The following LARGE1 variants were observed in gnomAD, a reference collection of about 807,000 sequenced individuals.
LARGE1 encodes the protein xylosyl- and glucuronyltransferase LARGE1.
In LARGE1, 43 loss-of-function variants were observed where a neutral mutation model predicts 87.6. The observed-to-expected ratio is 0.49, with a 90% CI of 0.38 to 0.63. The LOEUF (loss-of-function observed/expected upper bound fraction) is 0.63. LARGE1 is among the 30% of genes least tolerant of loss of function. LARGE1 has a pLI of 0.00. For missense variants in LARGE1, 802 were observed against 1,000.2 expected, an observed-to-expected ratio of 0.80 and a Z score of 2.67; for synonymous variants, 434 against 394.6, an observed-to-expected ratio of 1.10 and a Z score of -1.18.
intron 12 of LARGE1, among the ~76,000 whole-genome samples, chr22:33,286,265 TC>T (rs1192904967): frequency 6.6e-6 from 1 of 152,216 alleles, no homozygotes; most frequent in Non-Finnish European, 1.5e-5. Context: ...GCTAGCACTC[TC>T]TTTTGTATCA....
At chr22:33,878,576 C>CA (rs1222303196) in intron 1 of LARGE1, among the ~76,000 whole-genome samples, 1 of 152,218 alleles carries the variant, frequency 6.6e-6, no homozygotes, top group Non-Finnish European at 1.5e-5. Context: ...ACATTAACTT[C>CA]ATGGATGTAG....
At chr22:33,493,154 CTTTTTT>C (rs750203810) in intron 6 of LARGE1, among the ~76,000 whole-genome samples, 54 of 109,178 alleles carry the variant, frequency 4.9e-4, no homozygotes, top group Non-Finnish European at 2.3e-4. Flanking sequence ...GCATGGTGGC[CTTTTTT>C]TTTTTTTTTT....
intron 1 of LARGE1, among the ~76,000 whole-genome samples, chr22:33,874,489 A>G (rs59198201): frequency 0.056 from 8,548 of 152,274 alleles, 816 homozygotes; most frequent in African/African-American, 0.2. Flanking sequence ...TTGCTCAACG[A>G]ACTGCAGCTA....
chr22:33,813,415 T>TA (rs924706824), intron 1 of LARGE1, among the ~76,000 whole-genome samples: 24 of 152,024 alleles, frequency 1.6e-4, no homozygotes, highest in African/African-American at 5.3e-4. Flanking sequence ...AAACAAAACA[T>TA]AGTTCCAGCA....
intron 2 of LARGE1, among the ~76,000 whole-genome samples, chr22:33,699,834 G>C (rs1374286618): frequency 6.6e-6 from 1 of 152,122 alleles, no homozygotes; most frequent in Non-Finnish European, 1.5e-5. Context: ...CAGCATCTAA[G>C]GTTAGGTGAA....
At chr22:33,854,119 T>C (rs2063688587) in intron 1 of LARGE1, among the ~76,000 whole-genome samples, 2 of 143,334 alleles carry the variant, frequency 1.4e-5, no homozygotes, top group South Asian at 2.2e-4. Context: ...TCCATTTGCA[T>C]CAAAAACGTG....
intron 7 of LARGE1, among the ~76,000 whole-genome samples, chr22:33,395,389 G>A (rs763200789): frequency 4.6e-5 from 7 of 152,128 alleles, no homozygotes; most frequent in Non-Finnish European, 8.8e-5. Context: ...CTGTGTCAGC[G>A]CTAACTTATG....
intron 9 of LARGE1, among the ~76,000 whole-genome samples, chr22:33,343,549 G>A (rs130252): frequency 4.6e-5 from 7 of 152,036 alleles, no homozygotes; most frequent in African/African-American, 1.7e-4. Context: ...TAGCTCTCAC[G>A]TTTCCTCAGT....
intron 7 of LARGE1, among the ~76,000 whole-genome samples, chr22:33,398,693 G>A (rs1265553577): frequency 6.6e-6 from 1 of 152,184 alleles, no homozygotes; most frequent in Non-Finnish European, 1.5e-5. Context: ...TGTCTTTGCA[G>A]TTGTAATCAA....
chr22:33,816,733 C>T (rs2157089), intron 1 of LARGE1, among the ~76,000 whole-genome samples: 63,749 of 149,786 alleles, frequency 0.43, 13,972 homozygotes, highest in Middle Eastern at 0.54. Context: ...GACAGACAGA[C>T]AGATACAGAA....
intron 13 of LARGE1, among the ~76,000 whole-genome samples, chr22:33,279,181 CAG>C (rs1444283111): frequency 6.6e-6 from 1 of 152,104 alleles, no homozygotes; most frequent in Non-Finnish European, 1.5e-5. Flanking sequence ...CTAGAAGCTA[CAG>C]AGAGACGGCA....
intron 2 of LARGE1, chr22:33,732,522 T>A (rs1378971096): frequency 6.6e-6 from 1 of 152,486 alleles, no homozygotes. Flanking sequence ...ATTTGGGAAG[T>A]TGACAGAGAA....
intron 1 of LARGE1, among the ~76,000 whole-genome samples, chr22:33,863,154 T>G (rs1285160117): frequency 6.6e-6 from 1 of 152,066 alleles, no homozygotes; most frequent in Non-Finnish European, 1.5e-5. Context: ...AGGGTTCAAG[T>G]CTCAGCTTTG....
intron 10 of LARGE1, among the ~76,000 whole-genome samples, chr22:33,330,817 G>A (rs1168264656): frequency 6.6e-6 from 1 of 152,180 alleles, no homozygotes; most frequent in Non-Finnish European, 1.5e-5. Flanking sequence ...TTGGCTCCTT[G>A]ATGAAGAATT....
intron 5 of LARGE1, among the ~76,000 whole-genome samples, chr22:33,596,026 A>T (rs896164754): frequency 6.6e-6 from 1 of 152,236 alleles, no homozygotes; most frequent in Non-Finnish European, 1.5e-5. Flanking sequence ...CTCTGGAAGT[A>T]TTCAAAAGCA....
At chr22:33,727,232 T>C (rs1569409031) in intron 2 of LARGE1, among the ~76,000 whole-genome samples, 1 of 152,192 alleles carries the variant, frequency 6.6e-6, no homozygotes, top group Non-Finnish European at 1.5e-5. Flanking sequence ...AATGTCAGAC[T>C]GTGCCAAGGG....
intron 1 of LARGE1, among the ~76,000 whole-genome samples, chr22:33,769,206 T>C (rs1167053960): frequency 1.3e-5 from 2 of 152,130 alleles, no homozygotes; most frequent in Non-Finnish European, 2.9e-5. Flanking sequence ...CGACTTTTCA[T>C]CAAAAACTTC....
intron 11 of LARGE1, among the ~76,000 whole-genome samples, chr22:33,239,545 T>C (rs994063297): frequency 2.2e-4 from 30 of 139,406 alleles, no homozygotes; most frequent in Middle Eastern, 3.8e-3. Flanking sequence ...CTTTTTTTTT[T>C]TTTTTTTTTT....
intron 5 of LARGE1, among the ~76,000 whole-genome samples, chr22:33,579,755 T>G (rs928721876): frequency 3.9e-5 from 6 of 152,170 alleles, no homozygotes; most frequent in Non-Finnish European, 8.8e-5. Flanking sequence ...TTTGGTGGTG[T>G]TGTTTTGTGT....
Sources: allele counts gnomAD v4.1 joint callset (sites outside exome capture counted in the v4.1 genomes callset), GRCh38; gene constraint gnomAD v4.1.1; transcripts MANE v1.5; gene names NCBI Gene and HGNC (gene_info 2026-07-23, HGNC 2026-07-21).